CTTNBP2NL: variants seen among roughly 807,000 people sequenced by gnomAD.
The protein encoded by CTTNBP2NL is CTTNBP2 N-terminal like.
CTTNBP2NL carries 16 observed loss-of-function variants against 32.5 expected under a neutral mutation model. The observed-to-expected ratio is 0.49, with a 90% CI of 0.33 to 0.75. The LOEUF (loss-of-function observed/expected upper bound fraction) is 0.75. Ranked by LOEUF, CTTNBP2NL falls within the 30% of genes least tolerant of loss-of-function variation. The probability of loss-of-function intolerance (pLI) is 0.02; values close to 1 mark genes in which losing one functional copy is unlikely to be tolerated. For synonymous variants in CTTNBP2NL, 298 were observed against 289.4 expected, an observed-to-expected ratio of 1.03 and a Z score of -0.30; for missense variants, 645 against 756.0, an observed-to-expected ratio of 0.85 and a Z score of 1.72.
At chr1:112,421,313 T>TC (rs993860127) in intron 3 of CTTNBP2NL, among the ~76,000 whole-genome samples, 1 of 138,398 alleles carries the variant, frequency 7.2e-6, no homozygotes, top group African/African-American at 2.6e-5. Context: ...TTCTTTTCTT[T>TC]TTTTTTTTTT....
Position 112,449,181 on chromosome 1 carries a change from ACCTC to A in CTTNBP2NL, c.330+10_330+13del, listed in dbSNP as rs1650144660. On this transcript the variant is annotated intron_variant, in intron 4 of 5. Coordinates refer to ENST00000271277, the MANE Select transcript of CTTNBP2NL (RefSeq NM_018704.3). ...AGAGCAGGCACCGAAAGGTAGGTTC[ACCTC>A]AGTTGATGTGTAAATCTTTGTGAAG... 1 of 1,500,154 alleles carries A rather than the reference ACCTC, an allele frequency of 6.7e-7. No homozygotes were observed. The highest frequency in any genetic ancestry group is 1.4e-5 in the African/African-American group (1 of 72,810). 92.9% of individuals were successfully genotyped at this position (1,500,154 alleles called of 1,614,324 possible).
At chr1:112,441,388 C>A (rs1455722931) in intron 3 of CTTNBP2NL, among the ~76,000 whole-genome samples, 3 of 152,258 alleles carry the variant, frequency 2.0e-5, no homozygotes, top group Non-Finnish European at 4.4e-5. Flanking sequence ...GCACTTTGTT[C>A]CTTTTTATTG....
Position 112,412,550 on chromosome 1 carries a change from C to T in CTTNBP2NL, c.-10+233C>T, listed in dbSNP as rs1384412530. ...CTTACATTACACAGCAGTGGCCTTT[C>T]TTTCCTCCTGTGTAATATTTATATT... is the stretch of plus-strand genomic sequence containing the variant. On this transcript the variant is annotated intron_variant, in intron 2 of 5. Transcript: ENST00000271277. Among the ~76,000 whole-genome samples, 18 of 144,356 alleles carry T rather than the reference C, an allele frequency of 1.2e-4. 1 individual carries two copies. The East Asian group carries it at 2.6e-3, about 21-fold the overall frequency. The allele number at this position is 144,356 out of a possible 152,430, so 94.7% of individuals were successfully genotyped here. A position where few individuals can be genotyped will look rare whatever the true frequency, so the allele number is the denominator to read the frequency against.
chr1:112,437,482 G>C (rs1453876301), intron 3 of CTTNBP2NL, among the ~76,000 whole-genome samples: 3 of 151,914 alleles, frequency 2.0e-5, no homozygotes, highest in Admixed American at 2.0e-4. Flanking sequence ...AGAATTGCTT[G>C]GTTTTTTTTC....
Position 112,456,065 on chromosome 1 carries a change from C to T in CTTNBP2NL, c.573C>T (p.Asn191=), listed in dbSNP as rs1236998200. The stretch of plus-strand genomic sequence containing the variant: ...TGCTTGAGTGCAAGAAAGCCACCAA[C>T]AAGGCAGCCGAGGAAGGACAGAAGG... ...MLVLECKKAT[N]KAAEEGQKAG... is the part of the protein sequence containing the mutation. The change falls in exon 6 of 6, where the codon AAC becomes AAT. Residue 191 remains asparagine (N), a synonymous_variant. Transcript: ENST00000271277. 3 of 1,614,138 alleles carry T rather than the reference C, an allele frequency of 1.9e-6. No individual in the cohort carries two copies. Among genetic ancestry groups the T allele is most frequent in the East Asian group, 2.2e-5 (1 of 44,874 alleles).
At chr1:112,448,146 A>G (rs1053894860) in intron 3 of CTTNBP2NL, among the ~76,000 whole-genome samples, 1 of 152,204 alleles carries the variant, frequency 6.6e-6, no homozygotes, top group Non-Finnish European at 1.5e-5. Context: ...CCTTTCTTAC[A>G]TGCTCATCCC....
At chr1:112,428,854 G>A (rs568601215) in intron 3 of CTTNBP2NL, among the ~76,000 whole-genome samples, 1 of 152,260 alleles carries the variant, frequency 6.6e-6, no homozygotes, top group Admixed American at 6.5e-5. Flanking sequence ...GTGATCCAAA[G>A]TTTGAAAAAC....
chr1:112,411,941 G>A (rs1648880466), intron 1 of CTTNBP2NL, among the ~76,000 whole-genome samples: 1 of 152,082 alleles, frequency 6.6e-6, no homozygotes, highest in Admixed American at 6.6e-5. Flanking sequence ...AAATGGCAGT[G>A]GACATCTTAA....
intron 3 of CTTNBP2NL, among the ~76,000 whole-genome samples, chr1:112,447,207 G>C (rs1650071940): frequency 6.6e-6 from 1 of 150,742 alleles, no homozygotes; most frequent in East Asian, 2.0e-4. Flanking sequence ...CCAAGAGGTG[G>C]AGCTTGCAGT....
chr1:112,425,387 C>T lies in CTTNBP2NL; in HGVS notation c.99+9123C>T, dbSNP rs543229179. Among the ~76,000 whole-genome samples the T allele has an allele frequency of 1.1e-3, 163 of 152,084 alleles. 1 individual carries two copies. The highest frequency in any genetic ancestry group is 1.9e-3 in the Non-Finnish European group (127 of 68,020). On this transcript the variant is annotated intron_variant, in intron 3 of 5. Transcript: ENST00000271277. ...TCAGGAGGCTGAGATAGGAGAATCA[C>T]TTGAACCTGGGAGGCAAAGGTTGCA...
intron 2 of CTTNBP2NL, among the ~76,000 whole-genome samples, chr1:112,413,824 G>A (rs1461274939): frequency 6.6e-6 from 1 of 152,144 alleles, no homozygotes; most frequent in Non-Finnish European, 1.5e-5. Context: ...AAGGCGGGCG[G>A]ATCACCTGAG....
At chr1:112,423,604 A>G (rs960829315) in intron 3 of CTTNBP2NL, among the ~76,000 whole-genome samples, 1 of 151,714 alleles carries the variant, frequency 6.6e-6, no homozygotes, top group African/African-American at 2.4e-5. Context: ...AGTGTGTCTC[A>G]TTTCATTCTC....
Position 112,399,147 on chromosome 1 carries a change from G to A in CTTNBP2NL, c.-134+2875G>A, listed in dbSNP as rs982516605. ...AGCCTGGCCAACATGATAAAACCCC[G>A]TCTTTATCAAAAATGTAAAAAATTA... is the stretch of plus-strand genomic sequence containing the variant. On this transcript the variant is annotated intron_variant, in intron 1 of 5. Coordinates refer to ENST00000271277, the MANE Select transcript of CTTNBP2NL (RefSeq NM_018704.3). Among the ~76,000 whole-genome samples the A allele has an allele frequency of 9.9e-5, 15 of 151,512 alleles. No individual in the cohort carries two copies. The South Asian group carries it at 1.9e-3, about 19-fold the overall frequency.
In CTTNBP2NL at chr1:112,436,155, C is replaced by T. The variant is rs1259786313; in HGVS notation, c.100-12787C>T. The stretch of plus-strand genomic sequence containing the variant: ...CAAAATCTTTATCATCCCCCTTTGT[C>T]TGTTTACTTTCCAAAGTGGTAACTT... On this transcript the variant is annotated intron_variant, in intron 3 of 5. Coordinates refer to ENST00000271277, the MANE Select transcript of CTTNBP2NL (RefSeq NM_018704.3). Among the ~76,000 whole-genome samples the T allele has an allele frequency of 2.0e-5, 3 of 147,228 alleles. No individual in the cohort carries two copies. The East Asian group carries it at 6.0e-4, about 29-fold the overall frequency.
chr1:112,456,284 A>G lies in CTTNBP2NL; in HGVS notation c.792A>G (p.Lys264=), dbSNP rs1472162945. Residue 264 remains lysine, a synonymous_variant, in exon 6 of 6, where the codon AAA becomes AAG. Transcript: ENST00000271277. ...NREENRTKTL[K]EEMESLKKIV... ...AAGAGAACCGGACCAAAACCCTGAA[A>G]GAAGAAATGGAAAGTTTAAAGAAGA... 1 of 1,614,176 alleles carries G rather than the reference A, an allele frequency of 6.2e-7. No homozygotes were observed.
At chr1:112,415,060 A>G (rs2026499) in intron 2 of CTTNBP2NL, among the ~76,000 whole-genome samples, 84,655 of 151,278 alleles carry the variant, frequency 0.56, 24,594 homozygotes, top group South Asian at 0.7. Context: ...GCGTGGTGGC[A>G]TGTATCGGTG....
intron 3 of CTTNBP2NL, among the ~76,000 whole-genome samples, chr1:112,448,229 G>A (rs1189813515): frequency 6.6e-6 from 1 of 152,198 alleles, no homozygotes. Context: ...AAGAGGGGGT[G>A]GAATTTGGCA....
intron 3 of CTTNBP2NL, among the ~76,000 whole-genome samples, chr1:112,439,895 T>G (rs1265645737): frequency 6.6e-6 from 1 of 152,234 alleles, no homozygotes; most frequent in South Asian, 2.1e-4. Flanking sequence ...CTTAGAAAAT[T>G]CCAATCTCAA....
At chr1:112,455,076 C>T (rs1046575994) in intron 5 of CTTNBP2NL, among the ~76,000 whole-genome samples, 11 of 152,164 alleles carry the variant, frequency 7.2e-5, no homozygotes, top group African/African-American at 1.7e-4. Flanking sequence ...AGTCGTGGCT[C>T]AGTTAGTTTC....
Sources: gnomAD v4.1 joint callset for allele counts (sites outside exome capture counted in the v4.1 genomes callset) on GRCh38, gnomAD v4.1.1 for gene constraint, MANE v1.5 for transcripts, NCBI Gene and HGNC (gene_info 2026-07-23, HGNC 2026-07-21) for gene names.